The following SCN7A variants were observed in gnomAD, a reference collection of about 807,000 sequenced individuals.
SCN7A encodes the protein sodium voltage-gated channel alpha subunit 7.
SCN7A carries 138 observed loss-of-function variants against 155.2 expected under a neutral mutation model. The observed-to-expected ratio is 0.89, with a 90% CI of 0.77 to 1.02. The LOEUF (loss-of-function observed/expected upper bound fraction) is 1.02, where lower values mean the gene tolerates loss of function less well. Among genes scored for constraint, SCN7A ranks in the 50% least tolerant of loss-of-function variants. The pLI, the probability that SCN7A is intolerant of heterozygous loss-of-function variation, is 0.00. For synonymous variants in SCN7A, 693 were observed against 649.0 expected, an observed-to-expected ratio of 1.07 and a Z score of -1.03; for missense variants, 2,058 against 1,986.6, an observed-to-expected ratio of 1.04 and a Z score of -0.68.
rs2105477844 is a variant in SCN7A at position 166,462,455 on chromosome 2, A to C, written c.1017T>G (p.Phe339Leu). The change falls in exon 10 of 26, where the codon TTT becomes TTG. Residue 339 changes from phenylalanine to leucine, a missense_variant. Coordinates refer to ENST00000643258, the MANE Select transcript of SCN7A (RefSeq NM_002976.4). ...PDQGFTNFDS[F>L]GWALFALFRL... is the part of the protein sequence containing the mutation. ...GAAATAGGGCAAATAAGGCCCAGCCAAAACTGTCAAAATTTGTGAAGCCTT... is the reference window on the plus strand; with the variant it reads ...GAAATAGGGCAAATAAGGCCCAGCCCAAACTGTCAAAATTTGTGAAGCCTT... 6.2e-7 allele frequency: 1 copy of C among 1,613,260 alleles called. No homozygotes were observed. The highest frequency in any genetic ancestry group is 8.5e-7 in the Non-Finnish European group (1 of 1,179,560).
At chr2:166,428,935 A>C (rs1701676841) in intron 17 of SCN7A, among the ~76,000 whole-genome samples, 1 of 152,030 alleles carries the variant, frequency 6.6e-6, no homozygotes, top group African/African-American at 2.4e-5. Flanking sequence ...AAGTCAAATG[A>C]AGTGTTCTTA....
chr2:166,439,055 G>GTGTGTGTATATATA lies in SCN7A; in HGVS notation c.2157+2340_2157+2341insTATATATACACACA, dbSNP rs375208870. On this transcript the variant is annotated intron_variant, in intron 15 of 25. Coordinates refer to ENST00000643258, the MANE Select transcript of SCN7A (RefSeq NM_002976.4). ...CACATACATATATGTGTGTGTGTGTGTATATATATATATATATATATATAG... is the reference window on the plus strand; with the variant it reads ...CACATACATATATGTGTGTGTGTGTGTGTGTGTATATATATATATATATATATATATATATATAG... 6.3e-4 allele frequency among the ~76,000 whole-genome samples: 71 copies of GTGTGTGTATATATA among 113,412 alleles called. 1 individual carries two copies. The East Asian group carries it at 0.012, about 19-fold the overall frequency. 74.4% of individuals were successfully genotyped at this position (113,412 alleles called of 152,430 possible).
In SCN7A at chr2:166,406,198, G is replaced by A; in HGVS notation, c.4431C>T (p.Val1477=). The A allele has an allele frequency of 6.2e-7, 1 of 1,612,802 alleles. No homozygotes were observed. The highest frequency in any genetic ancestry group is 8.5e-7 in the Non-Finnish European group (1 of 1,179,378). The change falls in exon 26 of 26, where the codon GTC becomes GTT. Residue 1477 remains valine, a synonymous_variant. Transcript: ENST00000643258. ...GNPSVGIFYF[V]SYILISWLII... is the part of the protein sequence containing the mutation. ...TCAGCCATGATATGAGGATATAACT[G>A]ACAAAATAAAAAATCCCAACAGAGG...
intron 23 of SCN7A, among the ~76,000 whole-genome samples, chr2:166,411,983 A>C (rs1701213225): frequency 6.6e-6 from 1 of 152,064 alleles, no homozygotes; most frequent in African/African-American, 2.4e-5. Flanking sequence ...GAGGCCCTGA[A>C]GAAGCTGCTT....
At chr2:166,411,170 G>A (rs1047451257) in intron 23 of SCN7A, among the ~76,000 whole-genome samples, 1 of 152,040 alleles carries the variant, frequency 6.6e-6, no homozygotes, top group African/African-American at 2.4e-5. Context: ...CACACTATCA[G>A]TTAGCCATGG....
chr2:166,456,823 TATATATAGATAG>T (rs1300455364), intron 11 of SCN7A, 35 bp downstream of exon 11: 22 of 632,564 alleles, frequency 3.5e-5, no homozygotes, highest in African/African-American at 2.0e-4. Context: ...TATATATATA[TATATATAGATAG>T]ATAGATAGAT....
At chr2:166,412,340 A>G (rs1701219676) in intron 23 of SCN7A, among the ~76,000 whole-genome samples, 190 bp downstream of exon 23, 1 of 152,078 alleles carries the variant, frequency 6.6e-6, no homozygotes, top group Admixed American at 6.6e-5. Flanking sequence ...TGTGTAGTAC[A>G]TATTTTGGAT....
chr2:166,413,060 A>G lies in SCN7A; in HGVS notation c.3468+8T>C. 6.6e-7 allele frequency: 1 copy of G among 1,523,650 alleles called. No homozygotes were observed. Among genetic ancestry groups the G allele is most frequent in the African/African-American group, 1.4e-5 (1 of 72,444 alleles). The allele number at this position is 1,523,650 out of a possible 1,614,324, so 94.4% of individuals were successfully genotyped here. A position where few individuals can be genotyped will look rare whatever the true frequency, so the allele number is the denominator to read the frequency against. On this transcript the variant is annotated splice_region_variant and intron_variant, in intron 22 of 25. Coordinates refer to ENST00000643258, the MANE Select transcript of SCN7A (RefSeq NM_002976.4). ...CTAACAATGGCTTTAAAATGATATT[A>G]TACTTACAGCAACAGAATCAATTGC...
Position 166,416,730 on chromosome 2 carries a change from C to A in SCN7A, c.3391G>T (p.Gly1131Cys). Residue 1131 changes from glycine (G) to cysteine (C), a missense_variant, in exon 21 of 26, where the codon GGT becomes TGT. By Grantham distance (159) the Gly-to-Cys change is radical. Transcript: ENST00000643258. ...AKMNFDNVGNGFLSLLQVATF... is the reference protein window; with the variant it reads ...AKMNFDNVGNCFLSLLQVATF... Reference sequence around the variant, plus strand: ...ACTACTTGAAGCAGAGAAAGGAAACCATTTCCAACATTATCAAAGTTCATT... The same window carrying A: ...ACTACTTGAAGCAGAGAAAGGAAACAATTTCCAACATTATCAAAGTTCATT... 1 of 1,608,342 alleles carries A rather than the reference C, an allele frequency of 6.2e-7. No homozygotes were observed. Among genetic ancestry groups the A allele is most frequent in the Non-Finnish European group, 8.5e-7 (1 of 1,176,970 alleles).
intron 15 of SCN7A, among the ~76,000 whole-genome samples, chr2:166,433,293 C>A (rs1701771975): frequency 6.6e-6 from 1 of 152,046 alleles, no homozygotes; most frequent in African/African-American, 2.4e-5. Context: ...CAAAACATTA[C>A]CTTGTACACC....
Position 166,404,824 on chromosome 2 carries a change from G to GAAAAAAAAAAAAAAAA in SCN7A, c.*740_*755dup, listed in dbSNP as rs35675449. ...AAATAGGTGTAAATGAGAAGAAAAT[G>GAAAAAAAAAAAAAAAA]AAAAAAAAAAAAAAAAAAAAGGCTA... On this transcript the variant is annotated 3_prime_UTR_variant, in exon 26 of 26. Coordinates refer to ENST00000643258, the MANE Select transcript of SCN7A (RefSeq NM_002976.4). 1.6e-5 allele frequency: 1 copy of GAAAAAAAAAAAAAAAA among 62,762 alleles called. No homozygotes were observed. Among genetic ancestry groups the GAAAAAAAAAAAAAAAA allele is most frequent in the African/African-American group, 5.2e-5 (1 of 19,382 alleles). 3.9% of individuals were successfully genotyped at this position (62,762 alleles called of 1,614,324 possible).
chr2:166,457,000 C>G lies in SCN7A; in HGVS notation c.1160G>C (p.Ser387Thr), dbSNP rs748791670. 1.2e-6 allele frequency: 2 copies of G among 1,610,612 alleles called. No individual in the cohort carries two copies. The highest frequency in any genetic ancestry group is 1.7e-5 in the Admixed American group (1 of 59,634). ...VSFLFSFYMA[S>T]LFLGILAMAY... ...CATGGCAAGTATGCCTAAGAACAAACTTGCCATATAAAAGGAAAACAAAAA... is the reference window on the plus strand; with the variant it reads ...CATGGCAAGTATGCCTAAGAACAAAGTTGCCATATAAAAGGAAAACAAAAA... Residue 387 changes from serine to threonine, a missense_variant, in exon 11 of 26, where the codon AGT becomes ACT. Physicochemically the swap from Ser to Thr is moderately conservative, Grantham distance 58. Coordinates refer to ENST00000643258, the MANE Select transcript of SCN7A (RefSeq NM_002976.4).
chr2:166,404,980 G>A lies in SCN7A; in HGVS notation c.*600C>T, dbSNP rs1701035004. 6.6e-6 allele frequency: 1 copy of A among 151,810 alleles called. No homozygotes were observed. The highest frequency in any genetic ancestry group is 1.5e-5 in the Non-Finnish European group (1 of 67,904). The allele number at this position is 151,810 out of a possible 1,614,324, so 9.4% of individuals were successfully genotyped here. ...ATCCTATTCATTCCCAGTTCCAAATGAAAACAAGAACATACAAAAATAAAC... is the reference window on the plus strand; with the variant it reads ...ATCCTATTCATTCCCAGTTCCAAATAAAAACAAGAACATACAAAAATAAAC... On this transcript the variant is annotated 3_prime_UTR_variant, in exon 26 of 26. Coordinates refer to ENST00000643258, the MANE Select transcript of SCN7A (RefSeq NM_002976.4).
In SCN7A at chr2:166,412,547, T is replaced by C; in HGVS notation, c.3589A>G (p.Asn1197Asp). 6.8e-7 allele frequency: 1 copy of C among 1,480,212 alleles called. No homozygotes were observed. The highest frequency in any genetic ancestry group is 1.5e-5 in the South Asian group (1 of 68,400). 91.7% of individuals were successfully genotyped at this position (1,480,212 alleles called of 1,614,324 possible). Residue 1197 changes from asparagine (N) to aspartate (D), a missense_variant, in exon 23 of 26, where the codon AAC (asparagine) becomes GAC (aspartate). Transcript: ENST00000643258. ...MLITVIIDNF[N>D]KHKIKLGGSN... is the part of the protein sequence containing the mutation. ...ATACTTATCTTTATTTTATGCTTGTTGAAATTATCAATAATAACAGTAATC... is the reference window on the plus strand; with the variant it reads ...ATACTTATCTTTATTTTATGCTTGTCGAAATTATCAATAATAACAGTAATC...
At chr2:166,411,885 T>C (rs893250993) in intron 23 of SCN7A, among the ~76,000 whole-genome samples, 1 of 152,082 alleles carries the variant, frequency 6.6e-6, no homozygotes, top group African/African-American at 2.4e-5. Context: ...TTCTTTCCTT[T>C]GACTTTTTTG....
At chr2:166,452,635 C>T (rs1176656882) in intron 11 of SCN7A, among the ~76,000 whole-genome samples, 1 of 152,080 alleles carries the variant, frequency 6.6e-6, no homozygotes, top group Non-Finnish European at 1.5e-5. Flanking sequence ...ATTTTATATA[C>T]ATGATTATCT....
rs1283353813 is a variant in SCN7A at position 166,439,053 on chromosome 2, G to GTA, written c.2157+2342_2157+2343insTA. Among the ~76,000 whole-genome samples, 317 of 86,080 alleles carry GTA rather than the reference G, an allele frequency of 3.7e-3. 3 individuals are homozygous for GTA. Among genetic ancestry groups the GTA allele is most frequent in the East Asian group, 6.6e-3 (22 of 3,328 alleles). 56.5% of individuals were successfully genotyped at this position (86,080 alleles called of 152,430 possible). A position where few individuals can be genotyped will look rare whatever the true frequency, so the allele number is the denominator to read the frequency against. ...CACACATACATATATGTGTGTGTGTGTGTATATATATATATATATATATAT... is the reference window on the plus strand; with the variant it reads ...CACACATACATATATGTGTGTGTGTGTATGTATATATATATATATATATATAT... On this transcript the variant is annotated intron_variant, in intron 15 of 25. Coordinates refer to ENST00000643258, the MANE Select transcript of SCN7A (RefSeq NM_002976.4).
At chr2:166,465,576 T>C in intron 8 of SCN7A, 45 bp from the exon 9 acceptor site, 1 of 1,423,348 alleles carries the variant, frequency 7.0e-7, no homozygotes, top group Non-Finnish European at 9.8e-7. Context: ...AATTATGAGT[T>C]AGCACCACAG....
intron 21 of SCN7A, 70 bp from the exon 22 acceptor site, chr2:166,413,191 T>A: frequency 1.2e-6 from 1 of 859,896 alleles, no homozygotes; most frequent in Non-Finnish European, 1.8e-6. Flanking sequence ...AGTCTCTTAT[T>A]AGTGCACTGA....
Sources: allele counts gnomAD v4.1 joint callset (sites outside exome capture counted in the v4.1 genomes callset), GRCh38; gene constraint gnomAD v4.1.1; transcripts MANE v1.5; gene names NCBI Gene and HGNC (gene_info 2026-07-23, HGNC 2026-07-21).